Variants in CFAP69 observed in about 807,000 individuals in gnomAD.
CFAP69 encodes the protein cilia- and flagella-associated protein 69.
A neutral mutation model predicts 123.0 loss-of-function variants in CFAP69; 92 were observed. That is an observed-to-expected ratio of 0.75 (90% CI 0.63 to 0.89). The LOEUF is 0.89. Among genes scored for constraint, CFAP69 ranks in the 40% least tolerant of loss-of-function variants. The pLI, the probability that CFAP69 is intolerant of heterozygous loss-of-function variation, is 0.00. For missense variants in CFAP69, 1,067 were observed against 1,096.9 expected (o/e 0.97, Z 0.39); for synonymous variants, 380 against 364.3 (o/e 1.04, Z -0.49).
intron 13 of CFAP69, among the ~76,000 whole-genome samples, chr7:90,285,365 C>A (rs1584464466): frequency 6.6e-6 from 1 of 152,138 alleles, no homozygotes; most frequent in Non-Finnish European, 1.5e-5. Context: ...AACATAGCTC[C>A]ATACTTTCCC....
At chr7:90,312,985 G>C (rs1794456583), downstream of CFAP69, among the ~76,000 whole-genome samples, 1 of 152,236 alleles carries the variant, frequency 6.6e-6, no homozygotes, top group Non-Finnish European at 1.5e-5. Flanking sequence ...TTGTCAGACA[G>C]TGCTGACTTA....
the CFAP69 span, among the ~76,000 whole-genome samples, chr7:90,323,055 G>T: frequency 1.3e-5 from 2 of 152,128 alleles, no homozygotes; most frequent in Admixed American, 6.5e-5. Flanking sequence ...GCAATTTTTT[G>T]AGAAAATGAA....
At chr7:90,276,835 A>T (rs1303963576) in intron 9 of CFAP69, among the ~76,000 whole-genome samples, 1 of 151,812 alleles carries the variant, frequency 6.6e-6, no homozygotes, top group African/African-American at 2.4e-5. Context: ...ATTTCTTAGA[A>T]CCTACAGAAG....
rs1326819336 is a variant in CFAP69, at chr7:90,300,031, A to T, written c.2022A>T (p.Val674=). The T allele has an allele frequency of 6.3e-7, 1 of 1,597,224 alleles. No individual in the cohort carries two copies. Among genetic ancestry groups the T allele is most frequent in the Non-Finnish European group, 8.5e-7 (1 of 1,172,744 alleles). ...GAAAGGAGGAAAAAGAACTAGGAGTAAAACGTGATAAAAATGGGAAGATCA... is the reference window on the plus strand; with the variant it reads ...GAAAGGAGGAAAAAGAACTAGGAGTTAAACGTGATAAAAATGGGAAGATCA... ...LWRKEEKELG[V]KRDKNGKIID... is the part of the protein sequence containing the mutation. Residue 674 remains valine (V), a synonymous_variant, in exon 17 of 23, where the codon GTA becomes GTT. Transcript: ENST00000389297.
chr7:90,300,648 T>TC (rs1792661122), intron 17 of CFAP69: 1 of 146,166 alleles, frequency 6.8e-6, no homozygotes, highest in African/African-American at 5.5e-5. Context: ...TTTTTTCTTT[T>TC]TTTTTTCTTT....
chr7:90,278,092 A>G (rs1451199017), intron 11 of CFAP69, among the ~76,000 whole-genome samples: 1 of 152,134 alleles, frequency 6.6e-6, no homozygotes. Flanking sequence ...CTAAAACTCT[A>G]CCAAGCTCCA....
chr7:90,302,161 G>C (rs1792904076), intron 17 of CFAP69: 1 of 151,910 alleles, frequency 6.6e-6, no homozygotes, highest in Non-Finnish European at 1.5e-5. Context: ...GCCCACTTTT[G>C]AATGGGGTTG....
At position 90,282,882 on chromosome 7, in the gene CFAP69, T is replaced by A; in HGVS notation, c.1373-10T>A. Reference sequence around the variant, plus strand: ...TGTTTTTGTTTTAAATTATCACTTTTTCTCCACAGATCCGTTTTTCAGTCA... The same window carrying A: ...TGTTTTTGTTTTAAATTATCACTTTATCTCCACAGATCCGTTTTTCAGTCA... On this transcript the variant is annotated splice_polypyrimidine_tract_variant and intron_variant, in intron 12 of 22. Transcript: ENST00000389297. The A allele has an allele frequency of 2.1e-6, 3 of 1,451,636 alleles. No homozygotes were observed. Among genetic ancestry groups the A allele is most frequent in the Non-Finnish European group, 2.7e-6 (3 of 1,096,872 alleles). The allele number at this position is 1,451,636 out of a possible 1,614,324, so 89.9% of individuals were successfully genotyped here.
At chr7:90,317,407 A>G in the CFAP69 span, 1 of 152,058 alleles carries the variant, frequency 6.6e-6, no homozygotes, top group African/African-American at 2.4e-5. Context: ...TTATGAGAAC[A>G]TTAATTAGCC....
At chr7:90,300,598 T>G in intron 17 of CFAP69, 1 of 403,214 alleles carries the variant, frequency 2.5e-6, no homozygotes, top group Non-Finnish European at 3.4e-6. Context: ...AGTATCATAA[T>G]TTTTAGTTCA....
chr7:90,262,632 C>T (rs1454699225), intron 4 of CFAP69, among the ~76,000 whole-genome samples: 1 of 152,036 alleles, frequency 6.6e-6, no homozygotes, highest in Non-Finnish European at 1.5e-5. Context: ...CTTGGTGCCA[C>T]ATAGTGGCTA....
chr7:90,304,121 T>C lies in CFAP69; in HGVS notation c.2188+15T>C. Reference sequence around the variant, plus strand: ...GGGCAAACTAGGTAAGAAGTTCTCTTCAAATTTGCAAGAGTCTGTTTTGCT... The same window carrying C: ...GGGCAAACTAGGTAAGAAGTTCTCTCCAAATTTGCAAGAGTCTGTTTTGCT... On this transcript the variant is annotated intron_variant, in intron 18 of 22. Coordinates refer to ENST00000389297, the MANE Select transcript of CFAP69 (RefSeq NM_001039706.3). 6.5e-7 allele frequency: 1 copy of C among 1,543,242 alleles called. No individual in the cohort carries two copies. Among genetic ancestry groups the C allele is most frequent in the Non-Finnish European group, 8.7e-7 (1 of 1,143,032 alleles).
intron 15 of CFAP69, among the ~76,000 whole-genome samples, chr7:90,290,627 A>AG (rs1340784874): frequency 6.6e-6 from 1 of 152,204 alleles, no homozygotes; most frequent in African/African-American, 2.4e-5. Flanking sequence ...CCTGAATGGG[A>AG]GGAGCAAAGC....
chr7:90,318,314 T>C, the CFAP69 span: 36 of 147,430 alleles, frequency 2.4e-4, no homozygotes, highest in East Asian at 6.3e-3. Flanking sequence ...ACAAAAATTC[T>C]ATCAAATTGT....
chr7:90,282,800 T>G, intron 12 of CFAP69, 92 bp from the exon 13 acceptor site: 34 of 1,047,006 alleles, frequency 3.2e-5, no homozygotes, highest in Non-Finnish European at 4.3e-5. Flanking sequence ...AATTTTAACA[T>G]TTGTTTAAAC....
chr7:90,275,502 G>C (rs1425660022), intron 9 of CFAP69, among the ~76,000 whole-genome samples: 1 of 147,938 alleles, frequency 6.8e-6, no homozygotes, highest in Non-Finnish European at 1.5e-5. Flanking sequence ...CTGCCCTCTG[G>C]TTCTTCAGGC....
intron 1 of CFAP69, among the ~76,000 whole-genome samples, chr7:90,253,678 A>C (rs1178912641): frequency 2.0e-5 from 3 of 152,326 alleles, no homozygotes; most frequent in Non-Finnish European, 4.4e-5. Flanking sequence ...GGCGTGAGCC[A>C]TCACGGCCGG....
chr7:90,286,481 A>G, intron 14 of CFAP69, 82 bp downstream of exon 14: 2 of 1,395,104 alleles, frequency 1.4e-6, no homozygotes, highest in Admixed American at 4.5e-5. Flanking sequence ...CTATAATTGT[A>G]TTTAATTTTG....
intron 17 of CFAP69, chr7:90,300,425 C>T (rs1295885720): frequency 2.0e-5 from 17 of 842,568 alleles, no homozygotes; most frequent in African/African-American, 5.5e-5. Context: ...GTATTTTATA[C>T]ATTTCTGTTC....
Sources: allele counts gnomAD v4.1 joint callset (sites outside exome capture counted in the v4.1 genomes callset), GRCh38; gene constraint gnomAD v4.1.1; transcripts MANE v1.5; gene names NCBI Gene and HGNC (gene_info 2026-07-23, HGNC 2026-07-21).